MAML2: variants seen among roughly 807,000 people sequenced by gnomAD.
The protein encoded by MAML2 is mastermind like transcriptional coactivator 2.
Under a neutral mutation model 96.1 loss-of-function variants are expected in MAML2, and 22 were observed. The observed-to-expected ratio is 0.23, with a 90% CI of 0.16 to 0.33. The LOEUF is 0.33. MAML2 is among the 10% of genes least tolerant of loss of function. MAML2 has a pLI of 1.00. For missense variants in MAML2, 1,367 were observed against 1,392.4 expected (o/e 0.98, Z 0.29); for synonymous variants, 561 against 521.3 (o/e 1.08, Z -1.04).
At chr11:96,082,421 A>G (rs561783008) in intron 2 of MAML2, among the ~76,000 whole-genome samples, 1 of 152,302 alleles carries the variant, frequency 6.6e-6, no homozygotes, top group Non-Finnish European at 1.5e-5. Context: ...TTATAGCAAC[A>G]TGGACACTCA....
intron 1 of MAML2, among the ~76,000 whole-genome samples, chr11:96,205,503 T>C (rs1816906829): frequency 1.3e-5 from 2 of 152,234 alleles, no homozygotes; most frequent in South Asian, 4.1e-4. Flanking sequence ...TTTAATTCAA[T>C]TTTACTGTTT....
Position 96,070,280 on chromosome 11 carries a change from A to C in MAML2, c.2139+21612T>G, listed in dbSNP as rs548232355. ...ACTCCAGCCTGGGCGACACAGCGAG[A>C]CTCCGTTTCAATAAAAATAAAAATA... is the stretch of plus-strand genomic sequence containing the variant. On this transcript the variant is annotated intron_variant, in intron 2 of 4. Transcript: ENST00000524717. Among the ~76,000 whole-genome samples the C allele has an allele frequency of 1.8e-4, 28 of 152,174 alleles. No homozygotes were observed. The South Asian group carries it at 5.4e-3, about 29-fold the overall frequency.
intron 2 of MAML2, among the ~76,000 whole-genome samples, chr11:96,023,915 C>G (rs1452895597): frequency 6.6e-6 from 1 of 152,182 alleles, no homozygotes; most frequent in Non-Finnish European, 1.5e-5. Flanking sequence ...TGAATAAGGA[C>G]AGAATCATCT....
At chr11:96,326,646 A>C (rs1863786739) in intron 1 of MAML2, among the ~76,000 whole-genome samples, 3 of 151,930 alleles carry the variant, frequency 2.0e-5, no homozygotes, top group Admixed American at 6.6e-5. Context: ...AAAATACAAA[A>C]AATTAGCCAG....
intron 1 of MAML2, among the ~76,000 whole-genome samples, chr11:96,114,570 T>C (rs1217737687): frequency 6.6e-6 from 1 of 152,244 alleles, no homozygotes; most frequent in African/African-American, 2.4e-5. Context: ...TAGTGATTTA[T>C]ATTGTTGGCT....
intron 1 of MAML2, among the ~76,000 whole-genome samples, chr11:96,251,773 C>T (rs1198046112): frequency 2.0e-5 from 3 of 151,644 alleles, no homozygotes; most frequent in African/African-American, 7.3e-5. Context: ...ACTCTGTCAC[C>T]CAGGCTGGAG....
intron 1 of MAML2, among the ~76,000 whole-genome samples, chr11:96,248,138 T>C (rs1256540731): frequency 7.0e-6 from 1 of 143,684 alleles, no homozygotes; most frequent in Admixed American, 7.2e-5. Context: ...TTTGAGACAG[T>C]CTGGCTCTGT....
At chr11:96,201,780 G>C (rs892822981) in intron 1 of MAML2, among the ~76,000 whole-genome samples, 1 of 151,362 alleles carries the variant, frequency 6.6e-6, no homozygotes, top group Admixed American at 6.6e-5. Context: ...TTAGCCCAGC[G>C]TGGTGGCGGG....
At chr11:96,065,404 C>T (rs11608156) in intron 2 of MAML2, among the ~76,000 whole-genome samples, 20,363 of 133,976 alleles carry the variant, frequency 0.15, 1,439 homozygotes, top group South Asian at 0.2. Context: ...AGTGCACATG[C>T]GTGCGTGCAT....
At chr11:96,320,025 C>T (rs1863680256) in intron 1 of MAML2, among the ~76,000 whole-genome samples, 1 of 152,200 alleles carries the variant, frequency 6.6e-6, no homozygotes. Flanking sequence ...ATGAGAATTA[C>T]CAGCTCATTC....
chr11:96,136,962 T>C (rs1227718704), intron 1 of MAML2, among the ~76,000 whole-genome samples: 4 of 152,204 alleles, frequency 2.6e-5, no homozygotes, highest in African/African-American at 9.7e-5. Flanking sequence ...GAGTGAAGTA[T>C]CTGCCAAAAA....
chr11:96,192,982 A>G (rs979137134), intron 1 of MAML2, among the ~76,000 whole-genome samples: 12 of 152,222 alleles, frequency 7.9e-5, no homozygotes, highest in Admixed American at 5.9e-4. Context: ...GAACTCTAGG[A>G]ATCACATTGT....
intron 2 of MAML2, among the ~76,000 whole-genome samples, chr11:96,065,408 C>T (rs567578588): frequency 1.6e-4 from 18 of 111,038 alleles, no homozygotes; most frequent in East Asian, 2.2e-4. Context: ...CACATGCGTG[C>T]GTGCATGCAC....
At chr11:96,091,799 C>T (rs1859710211) in intron 2 of MAML2, 93 bp downstream of exon 2, 1 of 1,488,388 alleles carries the variant, frequency 6.7e-7, no homozygotes. Context: ...TGGTCTTGAT[C>T]TTGTCCCAAT....
intron 1 of MAML2, among the ~76,000 whole-genome samples, chr11:96,239,430 CA>C (rs1179504917): frequency 6.6e-6 from 1 of 152,128 alleles, no homozygotes; most frequent in Non-Finnish European, 1.5e-5. Flanking sequence ...CTATTTTCGT[CA>C]ATTTCAGAGT....
intron 2 of MAML2, among the ~76,000 whole-genome samples, chr11:96,017,431 A>C: frequency 6.7e-6 from 1 of 148,384 alleles, no homozygotes; most frequent in African/African-American, 2.5e-5. Flanking sequence ...TCCATAAAAC[A>C]AATACATTTG....
rs146413965 is a variant in MAML2, at chr11:96,278,128, C to A, written c.513+63255G>T. Reference sequence around the variant, plus strand: ...ACCTTGAGAACCACTGCCTGGGGAACAGCTTAGCTGCTATGAGAATCTGAT... The same window carrying A: ...ACCTTGAGAACCACTGCCTGGGGAAAAGCTTAGCTGCTATGAGAATCTGAT... On this transcript the variant is annotated intron_variant, in intron 1 of 4. Coordinates refer to ENST00000524717, the MANE Select transcript of MAML2 (RefSeq NM_032427.4). Among the ~76,000 whole-genome samples the A allele has an allele frequency of 2.7e-3, 410 of 152,268 alleles. 2 individuals are homozygous for A. The highest frequency in any genetic ancestry group is 9.5e-3 in the African/African-American group (396 of 41,546).
At chr11:96,293,628 G>C (rs1319837598) in intron 1 of MAML2, among the ~76,000 whole-genome samples, 1 of 152,122 alleles carries the variant, frequency 6.6e-6, no homozygotes, top group East Asian at 1.9e-4. Context: ...CAGCAGTAGG[G>C]ACCCTCAAAA....
In MAML2 at chr11:96,030,662, C is replaced by G. The variant is rs114313793; in HGVS notation, c.2140-38939G>C. 3.8e-3 allele frequency among the ~76,000 whole-genome samples: 581 copies of G among 152,256 alleles called. 4 individuals carry two copies. The highest frequency in any genetic ancestry group is 0.012 in the African/African-American group (519 of 41,534). ...CTCAAGCTGTATACATGGTAGAGAT[C>G]ATTCAGGTTTTACTGAGTGTTCTAT... is the stretch of plus-strand genomic sequence containing the variant. On this transcript the variant is annotated intron_variant, in intron 2 of 4. Transcript: ENST00000524717.
Sources: allele counts gnomAD v4.1 joint callset (sites outside exome capture counted in the v4.1 genomes callset), GRCh38; gene constraint gnomAD v4.1.1; transcripts MANE v1.5; gene names NCBI Gene and HGNC (gene_info 2026-07-23, HGNC 2026-07-21).